Variants in MYO1E observed in about 807,000 individuals in gnomAD.
MYO1E encodes myosin IE.
MYO1E carries 68 observed loss-of-function variants against 151.1 expected under a neutral mutation model. The ratio of observed to expected loss-of-function variants is 0.45; its 90% confidence interval spans 0.37 to 0.55. The LOEUF (loss-of-function observed/expected upper bound fraction) is 0.55, where lower values mean the gene tolerates loss of function less well. MYO1E is among the 20% of genes least tolerant of loss of function. The pLI is 0.00. For missense variants in MYO1E, 1,363 were observed against 1,389.3 expected (o/e 0.98, Z 0.30); for synonymous variants, 601 against 501.7 (o/e 1.20, Z -2.64).
rs1476525824 is a variant in MYO1E at position 59,208,803 on chromosome 15, T to C, written c.1408A>G (p.Met470Val). The change falls in exon 14 of 28, where the codon ATG (methionine) becomes GTG (valine). Residue 470 changes from methionine (M) to valine (V), a missense_variant. By Grantham distance (21) the Met-to-Val change is conservative. Transcript: ENST00000288235. ...TCTGCCCCCTCACCCACCGCATGCA[T>C]CGTGGCGCACACGTCATCCAGGATG... Reference protein sequence around the residue: ...MSILDDVCATMHAVGEGADQT... With the variant: ...MSILDDVCATVHAVGEGADQT... 3.7e-6 allele frequency: 6 copies of C among 1,614,066 alleles called. No homozygotes were observed. The highest frequency in any genetic ancestry group is 5.1e-6 in the Non-Finnish European group (6 of 1,180,042).
At chr15:59,216,666 G>GTGTGTGTGTGTGTGTGTGTGTGTT (rs777094542) in intron 10 of MYO1E, among the ~76,000 whole-genome samples, 1 of 30,892 alleles carries the variant, frequency 3.2e-5, no homozygotes, top group East Asian at 6.0e-4. Context: ...GTGTGTATGT[G>GTGTGTGTGTGTGTGTGTGTGTGTT]TATATATATA....
At position 59,280,609 on chromosome 15, in the gene MYO1E, C is replaced by T. The variant is rs551217189; in HGVS notation, c.4-8160G>A. Among the ~76,000 whole-genome samples, 6 of 131,040 alleles carry T rather than the reference C, an allele frequency of 4.6e-5. No individual in the cohort carries two copies. In the South Asian group the frequency reaches 6.9e-4, roughly 15 times the overall value. The allele number at this position is 131,040 out of a possible 152,430, so 86.0% of individuals were successfully genotyped here. A position where few individuals can be genotyped will look rare whatever the true frequency, so the allele number is the denominator to read the frequency against. On this transcript the variant is annotated intron_variant, in intron 1 of 27. Coordinates refer to ENST00000288235, the MANE Select transcript of MYO1E (RefSeq NM_004998.4). ...TGCACTCCAGCCTGGGCAACAAGAGCGAAAGTCCATCTCAAAAAAAAAAAA... is the reference window on the plus strand; with the variant it reads ...TGCACTCCAGCCTGGGCAACAAGAGTGAAAGTCCATCTCAAAAAAAAAAAA...
At chr15:59,311,162 C>G (rs2080549197) in intron 1 of MYO1E, among the ~76,000 whole-genome samples, 1 of 152,124 alleles carries the variant, frequency 6.6e-6, no homozygotes, top group African/African-American at 2.4e-5. Flanking sequence ...CCACAAGGTC[C>G]TTACTCTAGA....
At chr15:59,343,757 T>C (rs139173839) in intron 1 of MYO1E, among the ~76,000 whole-genome samples, 3,889 of 152,154 alleles carry the variant, frequency 0.026, 118 homozygotes, top group African/African-American at 0.066. Flanking sequence ...TCAAGCTCAC[T>C]AATTCTTTCT....
chr15:59,249,176 C>T (rs2080148971), intron 4 of MYO1E, among the ~76,000 whole-genome samples: 1 of 152,212 alleles, frequency 6.6e-6, no homozygotes, highest in African/African-American at 2.4e-5. Flanking sequence ...GTAATCCCAG[C>T]ACTTTGGGAG....
chr15:59,150,849 C>T (rs1424179462), intron 26 of MYO1E, among the ~76,000 whole-genome samples: 3 of 152,036 alleles, frequency 2.0e-5, no homozygotes, highest in Non-Finnish European at 2.9e-5. Context: ...ATCAGAAACG[C>T]GGAAAGTGGG....
chr15:59,156,896 G>C (rs1397450417), intron 25 of MYO1E, among the ~76,000 whole-genome samples: 6 of 152,188 alleles, frequency 3.9e-5, no homozygotes, highest in African/African-American at 1.2e-4. Flanking sequence ...TTCAGGTTTA[G>C]AGTGTCTGGA....
At chr15:59,203,381 T>A (rs1173975117) in intron 15 of MYO1E, among the ~76,000 whole-genome samples, 18 of 112,824 alleles carry the variant, frequency 1.6e-4, no homozygotes, top group African/African-American at 4.7e-4. Flanking sequence ...CTGAATATAC[T>A]TTCTTTTTTT....
chr15:59,295,380 G>A (rs2080442751), intron 1 of MYO1E, among the ~76,000 whole-genome samples: 1 of 152,260 alleles, frequency 6.6e-6, no homozygotes, highest in South Asian at 2.1e-4. Flanking sequence ...AACTGGACTA[G>A]AAAGGCGGAT....
At chr15:59,207,237 T>C (rs1267288713) in intron 14 of MYO1E, 1 of 1,614,224 alleles carries the variant, frequency 6.2e-7, no homozygotes, top group Non-Finnish European at 8.5e-7. Context: ...AACTTGCCCT[T>C]GTGGATCTTG....
At chr15:59,179,898 C>T (rs1163128173) in intron 18 of MYO1E, among the ~76,000 whole-genome samples, 1 of 152,224 alleles carries the variant, frequency 6.6e-6, no homozygotes, top group Non-Finnish European at 1.5e-5. Flanking sequence ...GAGGGCGTGG[C>T]CCACGTGAGA....
chr15:59,285,518 G>A (rs1165878493), intron 1 of MYO1E, among the ~76,000 whole-genome samples: 9 of 151,778 alleles, frequency 5.9e-5, no homozygotes, highest in Non-Finnish European at 1.2e-4. Context: ...CCACCGCCAC[G>A]CCCAGCTAAT....
At chr15:59,214,346 T>C in intron 11 of MYO1E, 32 bp from the exon 12 acceptor site, 2 of 1,471,526 alleles carry the variant, frequency 1.4e-6, no homozygotes, top group Non-Finnish European at 1.9e-6. Flanking sequence ...CATGTAATTC[T>C]TTCACAAAAT....
At chr15:59,166,063 A>G (rs4775121) in intron 22 of MYO1E, among the ~76,000 whole-genome samples, 134,871 of 152,220 alleles carry the variant, frequency 0.89, 60,873 homozygotes, top group East Asian at 0.99. Context: ...AAAAGCAAGC[A>G]GGCCAAAACT....
At chr15:59,252,963 A>G (rs1253451782) in intron 4 of MYO1E, among the ~76,000 whole-genome samples, 1 of 152,220 alleles carries the variant, frequency 6.6e-6, no homozygotes, top group East Asian at 1.9e-4. Context: ...CAGGAAATAT[A>G]CAAGATGAGC....
chr15:59,138,789 C>T (rs2079389505), intron 26 of MYO1E, among the ~76,000 whole-genome samples: 1 of 152,134 alleles, frequency 6.6e-6, no homozygotes, highest in South Asian at 2.1e-4. Context: ...CCCAGATTAC[C>T]ACCACCTTAC....
chr15:59,330,959 G>A (rs1356304414), intron 1 of MYO1E, among the ~76,000 whole-genome samples: 6 of 152,058 alleles, frequency 3.9e-5, no homozygotes, highest in African/African-American at 1.4e-4. Context: ...CTGCGGAGAT[G>A]GAGTCTCCCT....
intron 1 of MYO1E, among the ~76,000 whole-genome samples, chr15:59,282,969 GGGGAAA>G (rs1567002081): frequency 4.7e-5 from 2 of 42,708 alleles, no homozygotes; most frequent in Non-Finnish European, 9.7e-5. Flanking sequence ...GGAGGGGAAA[GGGGAAA>G]GGGGAAAGGG....
At chr15:59,293,933 C>T (rs2080434603) in intron 1 of MYO1E, among the ~76,000 whole-genome samples, 2 of 152,126 alleles carry the variant, frequency 1.3e-5, no homozygotes, top group Admixed American at 6.5e-5. Context: ...GTCCCTGCTA[C>T]TTGGGAAGCT....
Sources: gnomAD v4.1 joint callset for allele counts (sites outside exome capture counted in the v4.1 genomes callset) on GRCh38, gnomAD v4.1.1 for gene constraint, MANE v1.5 for transcripts, NCBI Gene and HGNC (gene_info 2026-07-23, HGNC 2026-07-21) for gene names.